CHD6: variants seen among roughly 807,000 people sequenced by gnomAD.
The protein encoded by CHD6 is chromodomain helicase DNA binding protein 6, also known as ATP-dependent chromatin remodeler CHD6.
In CHD6, 50 loss-of-function variants were observed where a neutral mutation model predicts 276.9. The observed-to-expected ratio is 0.18, with a 90% CI of 0.14 to 0.23. CHD6 has a LOEUF of 0.23. CHD6 is among the 10% of genes least tolerant of loss of function. The pLI is 1.00. For missense variants in CHD6, 2,564 were observed against 3,365.8 expected (o/e 0.76, Z 5.89); for synonymous variants, 1,173 against 1,229.3 (o/e 0.95, Z 0.96).
At chr20:41,579,108 C>T (rs997281098) in intron 1 of CHD6, among the ~76,000 whole-genome samples, 43 of 111,332 alleles carry the variant, frequency 3.9e-4, no homozygotes, top group Admixed American at 7.8e-4. Flanking sequence ...CCAGCCTGGG[C>T]AACAGAACGA....
At chr20:41,450,423 A>G (rs2048200775) in intron 23 of CHD6, among the ~76,000 whole-genome samples, 1 of 152,348 alleles carries the variant, frequency 6.6e-6, no homozygotes, top group East Asian at 1.9e-4. Flanking sequence ...CCCCAAGACT[A>G]AACTAAATAT....
intron 1 of CHD6, among the ~76,000 whole-genome samples, chr20:41,565,097 ATTT>A (rs762728208): frequency 2.1e-5 from 3 of 141,402 alleles, no homozygotes; most frequent in Admixed American, 7.1e-5. Context: ...AAGATAATGG[ATTT>A]TTTTTTTTTT....
At chr20:41,477,132 T>C (rs2043186175) in intron 16 of CHD6, among the ~76,000 whole-genome samples, 1 of 152,034 alleles carries the variant, frequency 6.6e-6, no homozygotes, top group South Asian at 2.1e-4. Context: ...TCCTAGCTAC[T>C]CAGGAGGAGT....
intron 17 of CHD6, among the ~76,000 whole-genome samples, chr20:41,461,427 G>A (rs1317862064): frequency 6.6e-6 from 1 of 152,112 alleles, no homozygotes; most frequent in Admixed American, 6.5e-5. Context: ...GACTCAGCAG[G>A]GAGGTAACTG....
intron 1 of CHD6, among the ~76,000 whole-genome samples, chr20:41,574,730 T>C (rs2045455267): frequency 6.6e-6 from 1 of 152,182 alleles, no homozygotes. Context: ...CTGTTTTATC[T>C]TGTAAGCCCT....
At chr20:41,587,525 T>A (rs2146251816) in intron 1 of CHD6, among the ~76,000 whole-genome samples, 1 of 152,328 alleles carries the variant, frequency 6.6e-6, no homozygotes, top group East Asian at 1.9e-4. Flanking sequence ...TCCCAAGAGT[T>A]CACACCATAA....
At chr20:41,522,444 G>T (rs1281561428) in intron 3 of CHD6, among the ~76,000 whole-genome samples, 1 of 152,184 alleles carries the variant, frequency 6.6e-6, no homozygotes, top group Non-Finnish European at 1.5e-5. Flanking sequence ...AATCTTGGGA[G>T]AAAGATGTGA....
In CHD6 at chr20:41,415,205, G is replaced by A; in HGVS notation, c.6920C>T (p.Thr2307Ile). 1.2e-6 allele frequency: 2 copies of A among 1,614,010 alleles called. No homozygotes were observed. Among genetic ancestry groups the A allele is most frequent in the East Asian group, 2.2e-5 (1 of 44,888 alleles). The change falls in exon 34 of 37, where the codon ACA (threonine) becomes ATA (isoleucine). Residue 2307 changes from threonine to isoleucine, a missense_variant. Transcript: ENST00000373233. ...ACCCACCAAGATTCCCGCCTGAAGT[G>A]TCTGCTCCTTCAAAAAGATGAGGTC... Reference protein sequence around the residue: ...GMDLIFLKEQTLQAGILEVHE... With the variant: ...GMDLIFLKEQILQAGILEVHE...
Position 41,404,756 on chromosome 20 carries a change from C to A in CHD6, c.7985G>T (p.Gly2662Val). Residue 2662 changes from glycine (G) to valine (V), a missense_variant, in exon 37 of 37, where the codon GGG becomes GTG. Physicochemically the swap from Gly to Val is moderately radical, Grantham distance 109. Coordinates refer to ENST00000373233, the MANE Select transcript of CHD6 (RefSeq NM_032221.5). ...SQKRKKKKTK[G>V]DNPNSHPEPA... ...CTCTGGGTGGGAGTTGGGGTTGTCCCCCTTTGTCTTCTTCTTCTTCCTCTT... is the reference window on the plus strand; with the variant it reads ...CTCTGGGTGGGAGTTGGGGTTGTCCACCTTTGTCTTCTTCTTCTTCCTCTT... 1 of 1,606,274 alleles carries A rather than the reference C, an allele frequency of 6.2e-7. No individual in the cohort carries two copies. The highest frequency in any genetic ancestry group is 8.5e-7 in the Non-Finnish European group (1 of 1,175,940).
chr20:41,565,437 G>A (rs2045345208), intron 1 of CHD6, among the ~76,000 whole-genome samples: 1 of 152,182 alleles, frequency 6.6e-6, no homozygotes, highest in African/African-American at 2.4e-5. Flanking sequence ...GCTGGTATTG[G>A]CAAGAGGCAT....
At chr20:41,610,704 G>C (rs1435840732) in intron 1 of CHD6, among the ~76,000 whole-genome samples, 2 of 152,090 alleles carry the variant, frequency 1.3e-5, no homozygotes, top group Non-Finnish European at 2.9e-5. Flanking sequence ...CTTGCAGTGA[G>C]CTGAGATCGC....
chr20:41,531,616 G>A (rs2044687322), intron 3 of CHD6, among the ~76,000 whole-genome samples: 1 of 152,142 alleles, frequency 6.6e-6, no homozygotes. Flanking sequence ...GGTATTTTAT[G>A]GGCATTTTCT....
chr20:41,551,662 A>G (rs991711124), intron 1 of CHD6, among the ~76,000 whole-genome samples: 4 of 152,248 alleles, frequency 2.6e-5, no homozygotes, highest in Non-Finnish European at 4.4e-5. Flanking sequence ...AACAAAAACA[A>G]TAACATGCCT....
At chr20:41,494,811 A>G (rs1318562731) in intron 8 of CHD6, among the ~76,000 whole-genome samples, 2 of 152,190 alleles carry the variant, frequency 1.3e-5, no homozygotes, top group Non-Finnish European at 2.9e-5. Flanking sequence ...CTCAGATTCA[A>G]TTATTCCCAA....
At chr20:41,586,116 G>A (rs570161822) in intron 1 of CHD6, among the ~76,000 whole-genome samples, 4 of 152,320 alleles carry the variant, frequency 2.6e-5, no homozygotes, top group South Asian at 2.1e-4. Context: ...ATTTGAGCAG[G>A]TAGTGGCAAC....
At chr20:41,414,974 T>A (rs1166350304) in intron 34 of CHD6, 2 of 1,399,552 alleles carry the variant, frequency 1.4e-6, no homozygotes. Flanking sequence ...CTGGCTCATT[T>A]CTCCAGGCTG....
intron 1 of CHD6, among the ~76,000 whole-genome samples, chr20:41,597,688 G>C (rs916603993): frequency 6.6e-6 from 1 of 151,584 alleles, no homozygotes; most frequent in Non-Finnish European, 1.5e-5. Flanking sequence ...ACCCCCATCA[G>C]AGTAATGTTA....
chr20:41,512,987 G>GCCTTCC lies in CHD6; in HGVS notation c.710_711insGGAAGG (p.Arg237_Ser238insGluGly). The GCCTTCC allele has an allele frequency of 1.2e-6, 2 of 1,614,022 alleles. No individual in the cohort carries two copies. The highest frequency in any genetic ancestry group is 1.7e-6 in the Non-Finnish European group (2 of 1,179,926). ...TTCTGCGCTTTACTTGCCTTCCCGA[G>GCCTTCC]CGTCGTTTCTGTAGGGCAAACACAC... On this transcript the variant is annotated inframe_insertion, in exon 5 of 37. Coordinates refer to ENST00000373233, the MANE Select transcript of CHD6 (RefSeq NM_032221.5).
chr20:41,617,825 C>A (rs925254901), intron 1 of CHD6, among the ~76,000 whole-genome samples: 1 of 151,804 alleles, frequency 6.6e-6, no homozygotes, highest in Non-Finnish European at 1.5e-5. Context: ...CCCTCCTCCA[C>A]CCCTGCAAAC....
Sources: gnomAD v4.1 joint callset for allele counts (sites outside exome capture counted in the v4.1 genomes callset) on GRCh38, gnomAD v4.1.1 for gene constraint, MANE v1.5 for transcripts, NCBI Gene and HGNC (gene_info 2026-07-23, HGNC 2026-07-21) for gene names.